The following LOC122539214 variants were observed in gnomAD, a reference collection of about 807,000 sequenced individuals.
chr19:52,656,641 G>T, the LOC122539214 span, among the ~76,000 whole-genome samples: 1 of 152,160 alleles, frequency 6.6e-6, no homozygotes, highest in Non-Finnish European at 1.5e-5. Flanking sequence ...GCTGAGGCAT[G>T]TGGATCACAA....
chr19:52,681,259 G>T, the LOC122539214 span, among the ~76,000 whole-genome samples: 2 of 124,292 alleles, frequency 1.6e-5, no homozygotes, highest in East Asian at 4.6e-4. Flanking sequence ...CTCCAGCCTG[G>T]GTGACAGAGT....
At chr19:52,661,798 G>C in the LOC122539214 span, among the ~76,000 whole-genome samples, 172 of 152,234 alleles carry the variant, frequency 1.1e-3, no homozygotes, top group African/African-American at 4.1e-3. Context: ...GTGAAGGTGG[G>C]GCTGCAATGT....
the LOC122539214 span, among the ~76,000 whole-genome samples, chr19:52,674,593 G>A: frequency 0.26 from 39,901 of 151,976 alleles, 5,452 homozygotes; most frequent in Non-Finnish European, 0.29. Flanking sequence ...TACAATATTA[G>A]CACCAAAATT....
chr19:52,653,657 T>C, the LOC122539214 span, among the ~76,000 whole-genome samples: 3 of 152,230 alleles, frequency 2.0e-5, no homozygotes, highest in African/African-American at 7.2e-5. Context: ...TTGTAAGGTT[T>C]TTCTCCAGTA....
At chr19:52,654,655 T>G in the LOC122539214 span, among the ~76,000 whole-genome samples, 16 of 152,236 alleles carry the variant, frequency 1.1e-4, no homozygotes, top group East Asian at 2.9e-3. Flanking sequence ...AGGCAGAGAT[T>G]GCAGTGAACA....
chr19:52,679,427 A>C, the LOC122539214 span, among the ~76,000 whole-genome samples: 1 of 152,238 alleles, frequency 6.6e-6, no homozygotes, highest in South Asian at 2.1e-4. Context: ...CTTGGGCACC[A>C]AGATGAAACT....
the LOC122539214 span, among the ~76,000 whole-genome samples, chr19:52,687,050 G>A: frequency 7.9e-5 from 12 of 151,662 alleles, no homozygotes; most frequent in South Asian, 4.2e-4. Context: ...GAGTGGTGGC[G>A]CATGCCTGTA....
chr19:52,666,127 G>A, the LOC122539214 span, among the ~76,000 whole-genome samples: 3 of 142,312 alleles, frequency 2.1e-5, no homozygotes, highest in Non-Finnish European at 4.5e-5. Context: ...TCGCACCACT[G>A]CACTCCAGCC....
the LOC122539214 span, among the ~76,000 whole-genome samples, chr19:52,665,078 C>G: frequency 6.6e-6 from 1 of 152,184 alleles, no homozygotes; most frequent in African/African-American, 2.4e-5. Context: ...GCCAAATGTA[C>G]AATTTTATGC....
At chr19:52,662,610 A>G in the LOC122539214 span, among the ~76,000 whole-genome samples, 17 of 151,620 alleles carry the variant, frequency 1.1e-4, no homozygotes, top group African/African-American at 3.6e-4. Flanking sequence ...TTCATATTAC[A>G]CCTGAGCATT....
At chr19:52,681,896 G>C in the LOC122539214 span, among the ~76,000 whole-genome samples, 11 of 152,276 alleles carry the variant, frequency 7.2e-5, no homozygotes, top group Admixed American at 2.6e-4. Context: ...CAACCAGCCT[G>C]AAGTGCAGTG....
At chr19:52,679,707 T>TG in the LOC122539214 span, among the ~76,000 whole-genome samples, 3 of 152,328 alleles carry the variant, frequency 2.0e-5, no homozygotes, top group East Asian at 5.8e-4. Context: ...CTGACAATTC[T>TG]GCTCAGGGTT....
At chr19:52,680,885 T>G in the LOC122539214 span, among the ~76,000 whole-genome samples, 2 of 151,834 alleles carry the variant, frequency 1.3e-5, no homozygotes, top group East Asian at 3.9e-4. Flanking sequence ...GTGCTGGGAT[T>G]ACAGGCGTGA....
At chr19:52,686,564 T>G in the LOC122539214 span, among the ~76,000 whole-genome samples, 1 of 151,512 alleles carries the variant, frequency 6.6e-6, no homozygotes, top group Non-Finnish European at 1.5e-5. Context: ...CCCCTTTTAT[T>G]TTTTATTTTT....
chr19:52,670,365 G>A, the LOC122539214 span, among the ~76,000 whole-genome samples: 1 of 152,184 alleles, frequency 6.6e-6, no homozygotes. Flanking sequence ...ATAGGGGAAT[G>A]ACACAGCAGC....
At chr19:52,681,511 C>CT in the LOC122539214 span, among the ~76,000 whole-genome samples, 1 of 152,130 alleles carries the variant, frequency 6.6e-6, no homozygotes, top group Non-Finnish European at 1.5e-5. Flanking sequence ...TTCCCATGTG[C>CT]TATACACTGT....
chr19:52,683,538 T>C, the LOC122539214 span, among the ~76,000 whole-genome samples: 3 of 88,040 alleles, frequency 3.4e-5, no homozygotes, highest in African/African-American at 1.7e-4. Flanking sequence ...AAGGGCAAAG[T>C]CCCTGCCCAT....
chr19:52,689,609 C>G, the LOC122539214 span, among the ~76,000 whole-genome samples: 4 of 152,156 alleles, frequency 2.6e-5, no homozygotes, highest in African/African-American at 7.2e-5. Flanking sequence ...CATTTCTGCA[C>G]TTGCTTTTCT....
At chr19:52,687,616 G>T in the LOC122539214 span, among the ~76,000 whole-genome samples, 759 of 15,666 alleles carry the variant, frequency 0.048, 96 homozygotes, top group African/African-American at 0.27. Context: ...TATATAATGT[G>T]TATATATATA....
Sources: allele counts gnomAD v4.1 joint callset (sites outside exome capture counted in the v4.1 genomes callset), GRCh38; gene constraint gnomAD v4.1.1; transcripts MANE v1.5.